The following FAAH2 variants were observed in gnomAD, a reference collection of about 807,000 sequenced individuals.
FAAH2 encodes the protein fatty-acid amide hydrolase 2.
A neutral mutation model predicts 36.9 loss-of-function variants in FAAH2; 60 were observed. That is an observed-to-expected ratio of 1.63 (90% CI 1.32 to 2.02). The LOEUF is 2.02. FAAH2 is among the 30% of genes most tolerant of loss of function. The probability of loss-of-function intolerance (pLI) is 0.00; values close to 1 mark genes in which losing one functional copy is unlikely to be tolerated. For synonymous variants in FAAH2, 214 were observed against 143.8 expected (o/e 1.49, Z -3.49); for missense variants, 689 against 397.5 (o/e 1.73, Z -6.23).
At chrX:57,471,768 A>G (rs2057171679) in intron 10 of FAAH2, among the ~76,000 whole-genome samples, 1 of 111,940 alleles carries the variant, frequency 8.9e-6, no homozygotes, top group African/African-American at 3.2e-5. Flanking sequence ...AAACCAAAAA[A>G]GAGCCCGCAT....
rs183084115 is a variant in FAAH2 at position 57,435,147 on chromosome X, G to C, written c.1116+3110G>C. On this transcript the variant is annotated intron_variant, in intron 8 of 10. Transcript: ENST00000374900. ...AATGTCCTTGACATGGAAATAAAAG[G>C]TATATGTTCATGATTATGATAACTC... is the stretch of plus-strand genomic sequence containing the variant. Among the ~76,000 whole-genome samples, 4 of 111,520 alleles carry C rather than the reference G, an allele frequency of 3.6e-5. No homozygotes were observed. In the East Asian group the frequency reaches 1.1e-3, roughly 31 times the overall value.
intron 10 of FAAH2, among the ~76,000 whole-genome samples, chrX:57,454,856 A>T (rs2056840775): frequency 8.9e-6 from 1 of 112,081 alleles, no homozygotes; most frequent in Admixed American, 9.5e-5. Flanking sequence ...AAAAGGAGAG[A>T]GAGTAACTTG....
intron 7 of FAAH2, among the ~76,000 whole-genome samples, chrX:57,401,696 G>A (rs2055440130): frequency 9.0e-6 from 1 of 111,117 alleles, no homozygotes; most frequent in Admixed American, 9.5e-5. Context: ...AGGGAAAGGA[G>A]GTGGAATCCT....
the FAAH2 span, among the ~76,000 whole-genome samples, chrX:57,177,449 TATAATAATA>T: frequency 1.9e-5 from 2 of 103,057 alleles, no homozygotes; most frequent in African/African-American, 7.0e-5. Context: ...ACACTTAAAG[TATAATAATA>T]ATAATAATAA....
intron 5 of FAAH2, among the ~76,000 whole-genome samples, chrX:57,344,489 C>A (rs2053768791): frequency 9.0e-6 from 1 of 111,148 alleles, no homozygotes; most frequent in Admixed American, 9.6e-5. Flanking sequence ...TTTATCAATT[C>A]CAGGAGCCTT....
At chrX:57,319,667 C>G (rs1163625224) in intron 3 of FAAH2, among the ~76,000 whole-genome samples, 2 of 112,046 alleles carry the variant, frequency 1.8e-5, no homozygotes, top group Non-Finnish European at 3.8e-5. Context: ...TTGGGAAAAA[C>G]TACTTTAAAT....
the FAAH2 span, among the ~76,000 whole-genome samples, chrX:57,220,873 C>T: frequency 8.9e-6 from 1 of 112,026 alleles, no homozygotes; most frequent in Non-Finnish European, 1.9e-5. Flanking sequence ...TAGCCAAAAC[C>T]TCCTACTTAT....
chrX:57,308,160 G>A (rs777310170), intron 2 of FAAH2, among the ~76,000 whole-genome samples: 2 of 111,823 alleles, frequency 1.8e-5, no homozygotes, highest in Admixed American at 1.9e-4. Context: ...TATATACCCA[G>A]TAATGTGATT....
At chrX:57,263,468 A>G in the FAAH2 span, among the ~76,000 whole-genome samples, 1 of 112,102 alleles carries the variant, frequency 8.9e-6, no homozygotes, top group Admixed American at 9.5e-5. Flanking sequence ...ATAAAGAGAT[A>G]TGCCACATTC....
chrX:57,421,216 C>T (rs1461302646), intron 7 of FAAH2, among the ~76,000 whole-genome samples: 1 of 111,881 alleles, frequency 8.9e-6, no homozygotes, highest in African/African-American at 3.3e-5. Context: ...GAGGCCAAGG[C>T]AGGCGGATCA....
intron 8 of FAAH2, among the ~76,000 whole-genome samples, chrX:57,446,456 A>G (rs766870365): frequency 1.8e-5 from 2 of 112,052 alleles, no homozygotes; most frequent in East Asian, 2.8e-4. Context: ...CAATGTGCCT[A>G]TTTAATGTAT....
chrX:57,424,336 G>A, intron 7 of FAAH2, among the ~76,000 whole-genome samples: 1 of 111,552 alleles, frequency 9.0e-6, no homozygotes, highest in South Asian at 3.8e-4. Flanking sequence ...ATTGCTTGAG[G>A]CACAGGAGAT....
chrX:57,305,556 C>G (rs6612774), intron 2 of FAAH2, among the ~76,000 whole-genome samples: 59,948 of 110,272 alleles, frequency 0.54, 14,398 homozygotes, highest in Non-Finnish European at 0.75. Flanking sequence ...CTTCCCCATA[C>G]TTTTTATTTT....
chrX:57,274,563 A>T, the FAAH2 span, among the ~76,000 whole-genome samples: 93 of 112,321 alleles, frequency 8.3e-4, no homozygotes, highest in Non-Finnish European at 1.6e-3. Context: ...CACTATGATC[A>T]AGTTGGCTTC....
At chrX:57,248,878 C>T in the FAAH2 span, among the ~76,000 whole-genome samples, 1 of 65,039 alleles carries the variant, frequency 1.5e-5, no homozygotes, top group Non-Finnish European at 2.7e-5. Context: ...GTACTTGAGT[C>T]TTTTTAATTA....
chrX:57,162,114 T>C, the FAAH2 span, among the ~76,000 whole-genome samples: 1 of 111,643 alleles, frequency 9.0e-6, no homozygotes, highest in Non-Finnish European at 1.9e-5. Context: ...TCTCCTTTGC[T>C]TATGAAGCTT....
At chrX:57,177,680 A>G in the FAAH2 span, among the ~76,000 whole-genome samples, 1 of 98,894 alleles carries the variant, frequency 1.0e-5, no homozygotes, top group Non-Finnish European at 2.0e-5. Context: ...ATACAGATGC[A>G]TCTACATAGA....
At chrX:57,290,930 G>A (rs765953364) in intron 1 of FAAH2, among the ~76,000 whole-genome samples, 1 of 111,594 alleles carries the variant, frequency 9.0e-6, no homozygotes, top group East Asian at 2.8e-4. Flanking sequence ...AAATAATTAA[G>A]CCTTCTAAAT....
intron 5 of FAAH2, among the ~76,000 whole-genome samples, chrX:57,370,111 C>A (rs899541431): frequency 9.0e-6 from 1 of 110,873 alleles, no homozygotes; most frequent in Non-Finnish European, 1.9e-5. Context: ...CTATGGAAAA[C>A]CCCCAAATGA....
Sources: gnomAD v4.1 joint callset for allele counts (sites outside exome capture counted in the v4.1 genomes callset) on GRCh38, gnomAD v4.1.1 for gene constraint, MANE v1.5 for transcripts, NCBI Gene and HGNC (gene_info 2026-07-23, HGNC 2026-07-21) for gene names.